HAUS2: variants seen among roughly 807,000 people sequenced by gnomAD.
HAUS2 encodes HAUS augmin-like complex subunit 2.
Under a neutral mutation model 21.6 loss-of-function variants are expected in HAUS2, and 20 were observed. The observed-to-expected ratio is 0.93, with a 90% CI of 0.65 to 1.35. HAUS2 has a LOEUF of 1.35. HAUS2 is among the 40% of genes most tolerant of loss of function. HAUS2 has a pLI of 0.00. For missense variants in HAUS2, 297 were observed against 280.7 expected, an observed-to-expected ratio of 1.06 and a Z score of -0.42; for synonymous variants, 113 against 95.6, an observed-to-expected ratio of 1.18 and a Z score of -1.06.
At chr15:42,565,230 G>A (rs2057894516) in intron 5 of HAUS2, among the ~76,000 whole-genome samples, 1 of 152,208 alleles carries the variant, frequency 6.6e-6, no homozygotes, top group Non-Finnish European at 1.5e-5. Flanking sequence ...AGACATAAAA[G>A]TCAAAGAACC....
intron 4 of HAUS2, among the ~76,000 whole-genome samples, chr15:42,562,216 A>G (rs1048153289): frequency 1.3e-5 from 2 of 152,194 alleles, no homozygotes; most frequent in Non-Finnish European, 2.9e-5. Context: ...CCAGTGCCTC[A>G]CTAGCTTAAG....
chr15:42,568,852 G>C lies in HAUS2; in HGVS notation c.*2036G>C, dbSNP rs1207743402. 2 of 152,228 alleles carry C rather than the reference G, an allele frequency of 1.3e-5. No homozygotes were observed. The highest frequency in any genetic ancestry group is 2.9e-5 in the Non-Finnish European group (2 of 68,050). The allele number at this position is 152,228 out of a possible 1,614,324, so 9.4% of individuals were successfully genotyped here. On this transcript the variant is annotated 3_prime_UTR_variant, in exon 6 of 6. Transcript: ENST00000260372. The stretch of plus-strand genomic sequence containing the variant: ...GGAAGCTTATACCTGGTTTCCCCCA[G>C]ACTTTGCCTCTGTACCTTTTCTCTT...
At chr15:42,557,515 A>ATATACAATGTATATAT (rs1566832127) in intron 1 of HAUS2, among the ~76,000 whole-genome samples, 3 of 128,844 alleles carry the variant, frequency 2.3e-5, no homozygotes, top group African/African-American at 1.2e-4. Flanking sequence ...TGTATATATT[A>ATATACAATGTATATAT]TATATATATG....
intron 3 of HAUS2, 62 bp from the exon 4 acceptor site, chr15:42,561,208 A>G (rs766757557): frequency 4.5e-5 from 48 of 1,057,524 alleles, no homozygotes; most frequent in Non-Finnish European, 6.7e-5. Context: ...CAAGGCAAAG[A>G]AGAAATTATT....
In HAUS2 at chr15:42,566,945, A is replaced by G; in HGVS notation, c.*129A>G. The G allele has an allele frequency of 7.1e-6, 4 of 560,662 alleles. No homozygotes were observed. In the South Asian group the frequency reaches 9.6e-5, roughly 13 times the overall value. The allele number at this position is 560,662 out of a possible 1,614,324, so 34.7% of individuals were successfully genotyped here. On this transcript the variant is annotated 3_prime_UTR_variant, in exon 6 of 6. Transcript: ENST00000260372. ...GAACCTGCTTTATATTGGAGTATCA[A>G]GATCTCAGGTTCATTAAGACCAAAC...
intron 1 of HAUS2, among the ~76,000 whole-genome samples, chr15:42,555,117 G>A (rs540781129): frequency 6.6e-6 from 1 of 151,712 alleles, no homozygotes; most frequent in African/African-American, 2.4e-5. Flanking sequence ...AGCCTCCCGA[G>A]TAGCTGGGAC....
rs1481593163 is a variant in HAUS2, at chr15:42,548,892, G to T, written c.20G>T (p.Trp7Leu). 1 of 1,550,430 alleles carries T rather than the reference G, an allele frequency of 6.4e-7. No homozygotes were observed. The highest frequency in any genetic ancestry group is 2.0e-5 in the Admixed American group (1 of 50,964). ...CGAGCCATGGCCGCTGCCAACCCGTGGGACCCGGCGTCCGCGCCTAACGGC... is the reference window on the plus strand; with the variant it reads ...CGAGCCATGGCCGCTGCCAACCCGTTGGACCCGGCGTCCGCGCCTAACGGC... MAAANP[W>L]DPASAPNGAG... The change falls in exon 1 of 6, where the codon TGG becomes TTG. Residue 7 changes from tryptophan (W) to leucine (L), a missense_variant. Transcript: ENST00000260372.
At position 42,560,395 on chromosome 15, in the gene HAUS2, A is replaced by G. The variant is rs575743166; in HGVS notation, c.257-875A>G. Among the ~76,000 whole-genome samples, 296 of 151,420 alleles carry G rather than the reference A, an allele frequency of 2.0e-3. 1 individual carries two copies. Among genetic ancestry groups the G allele is most frequent in the African/African-American group, 6.7e-3 (273 of 40,770 alleles). ...GTGGATCAGCAAAAATTAGAGAGAGAGAGAGAGAGAGAGAGAAGAGAGAGA... is the reference window on the plus strand; with the variant it reads ...GTGGATCAGCAAAAATTAGAGAGAGGGAGAGAGAGAGAGAGAAGAGAGAGA... On this transcript the variant is annotated intron_variant, in intron 3 of 5. Transcript: ENST00000260372.
rs753322849 is a variant in HAUS2 at position 42,548,970 on chromosome 15, G to A, written c.93+5G>A. 4.6e-6 allele frequency: 7 copies of A among 1,533,402 alleles called. No homozygotes were observed. The highest frequency in any genetic ancestry group is 3.4e-4 in the Middle Eastern group (2 of 5,952). 95.0% of individuals were successfully genotyped at this position (1,533,402 alleles called of 1,614,324 possible). On this transcript the variant is annotated splice_donor_5th_base_variant and intron_variant, in intron 1 of 5. Transcript: ENST00000260372. The stretch of plus-strand genomic sequence containing the variant: ...GCTTCGGGGATGGTCAATCAGGTAC[G>A]TGGGGGTGGCGGTGGTGTCATCAAG...
Position 42,548,879 on chromosome 15 carries a change from G to A in HAUS2, c.7G>A (p.Ala3Thr), listed in dbSNP as rs748424848. The A allele has an allele frequency of 1.1e-5, 17 of 1,549,086 alleles. No individual in the cohort carries two copies. Among genetic ancestry groups the A allele is most frequent in the South Asian group, 3.6e-5 (3 of 83,972 alleles). Residue 3 changes from alanine (A) to threonine (T), a missense_variant, in exon 1 of 6, where the codon GCT (alanine) becomes ACT (threonine). By Grantham distance (58) the Ala-to-Thr change is moderately conservative (BLOSUM62 0). Coordinates refer to ENST00000260372, the MANE Select transcript of HAUS2 (RefSeq NM_018097.3). Reference sequence around the variant, plus strand: ...CGGAAGGTGCGTCCGAGCCATGGCCGCTGCCAACCCGTGGGACCCGGCGTC... The same window carrying A: ...CGGAAGGTGCGTCCGAGCCATGGCCACTGCCAACCCGTGGGACCCGGCGTC... MA[A>T]ANPWDPASAP... is the part of the protein sequence containing the mutation.
chr15:42,551,404 G>A (rs1484649256), intron 1 of HAUS2, among the ~76,000 whole-genome samples: 1 of 152,006 alleles, frequency 6.6e-6, no homozygotes, highest in East Asian at 1.9e-4. Context: ...ACTTTGGGAG[G>A]CCGAGGCGGG....
chr15:42,559,430 A>G, intron 3 of HAUS2, 22 bp downstream of exon 3: 1 of 1,400,928 alleles, frequency 7.1e-7, no homozygotes. Context: ...GGTTAAGTGG[A>G]TAATCACTGG....
intron 4 of HAUS2, 139 bp downstream of exon 4, chr15:42,561,541 A>C (rs954474339): frequency 1.7e-6 from 1 of 599,506 alleles, no homozygotes; most frequent in African/African-American, 1.8e-5. Context: ...ATATTAAATC[A>C]GAAAGAAAAT....
Position 42,567,751 on chromosome 15 carries a change from G to A in HAUS2, c.*935G>A, listed in dbSNP as rs1331489382. ...CCCAGCTACTTGGGAGGCTGAGGCA[G>A]AATAATCGCTTGAACCCAGGAGGCA... On this transcript the variant is annotated 3_prime_UTR_variant, in exon 6 of 6. Coordinates refer to ENST00000260372, the MANE Select transcript of HAUS2 (RefSeq NM_018097.3). The A allele has an allele frequency of 6.6e-6, 1 of 152,378 alleles. No individual in the cohort carries two copies. Among genetic ancestry groups the A allele is most frequent in the Non-Finnish European group, 1.5e-5 (1 of 68,190 alleles). 9.4% of individuals were successfully genotyped at this position (152,378 alleles called of 1,614,324 possible). A position where few individuals can be genotyped will look rare whatever the true frequency, so the allele number is the denominator to read the frequency against.
rs1353083707 is a variant in HAUS2, at chr15:42,566,643, G to A, written c.535G>A (p.Glu179Lys). Reference protein sequence around the residue: ...ALAKMDILVTETEELAENILK... With the variant: ...ALAKMDILVTKTEELAENILK... ...AGCAAAGATGGATATATTGGTGACT[G>A]AGACAGAAGAACTGGCAGAGAATAT... The change falls in exon 6 of 6, where the codon GAG becomes AAG. Residue 179 changes from glutamate (E) to lysine (K), a missense_variant. Physicochemically the swap from Glu to Lys is moderately conservative, Grantham distance 56. Coordinates refer to ENST00000260372, the MANE Select transcript of HAUS2 (RefSeq NM_018097.3). 3.1e-6 allele frequency: 5 copies of A among 1,609,238 alleles called. No homozygotes were observed. The highest frequency in any genetic ancestry group is 1.7e-5 in the Admixed American group (1 of 60,010).
At position 42,568,889 on chromosome 15, in the gene HAUS2, T is replaced by G. The variant is rs1466426075; in HGVS notation, c.*2073T>G. ...GTACCTTTTCTCTTTGCTGTTTTGC[T>G]TCATATGCTTTTGCTGTAATAAATC... On this transcript the variant is annotated 3_prime_UTR_variant, in exon 6 of 6. Coordinates refer to ENST00000260372, the MANE Select transcript of HAUS2 (RefSeq NM_018097.3). 6.6e-6 allele frequency: 1 copy of G among 152,364 alleles called. No homozygotes were observed. The highest frequency in any genetic ancestry group is 2.4e-5 in the African/African-American group (1 of 41,574). The allele number at this position is 152,364 out of a possible 1,614,324, so 9.4% of individuals were successfully genotyped here.
In HAUS2 at chr15:42,569,678, C is replaced by A. The variant is rs2057941858; in HGVS notation, c.*2862C>A. On this transcript the variant is annotated 3_prime_UTR_variant, in exon 6 of 6. Transcript: ENST00000260372. ...TGTTTATAAGGAAGCAGGATCATTA[C>A]CAAAATAAATCCTGCTAAAACAACA... 2 of 152,250 alleles carry A rather than the reference C, an allele frequency of 1.3e-5. No individual in the cohort carries two copies. Among genetic ancestry groups the A allele is most frequent in the Admixed American group, 1.3e-4 (2 of 15,280 alleles). 9.4% of individuals were successfully genotyped at this position (152,250 alleles called of 1,614,324 possible).
At chr15:42,554,318 C>T (rs1390802219) in intron 1 of HAUS2, among the ~76,000 whole-genome samples, 2 of 151,712 alleles carry the variant, frequency 1.3e-5, no homozygotes, top group Middle Eastern at 3.4e-3. Flanking sequence ...ATACATATAA[C>T]ATAAAATTTA....
chr15:42,563,275 G>T (rs1375637544), intron 4 of HAUS2, among the ~76,000 whole-genome samples: 1 of 150,182 alleles, frequency 6.7e-6, no homozygotes, highest in Non-Finnish European at 1.5e-5. Flanking sequence ...AGCCAGGCGT[G>T]GTGGTGGGCG....
Sources: gnomAD v4.1 joint callset for allele counts (sites outside exome capture counted in the v4.1 genomes callset) on GRCh38, gnomAD v4.1.1 for gene constraint, MANE v1.5 for transcripts, NCBI Gene and HGNC (gene_info 2026-07-23, HGNC 2026-07-21) for gene names.